SORBS2: variants seen among roughly 807,000 people sequenced by gnomAD.
The protein encoded by SORBS2 is sorbin and SH3 domain containing 2, also known as sorbin and SH3 domain-containing protein 2.
SORBS2 carries 46 observed loss-of-function variants against 97.7 expected under a neutral mutation model. The ratio of observed to expected loss-of-function variants is 0.47; its 90% CI spans 0.37 to 0.60. The LOEUF is 0.60. SORBS2 is among the 20% of genes least tolerant of loss of function. The pLI, the probability that SORBS2 is intolerant of heterozygous loss-of-function variation, is 0.00. For missense variants in SORBS2, 1,316 were observed against 1,282.3 expected (o/e 1.03, Z -0.40); for synonymous variants, 476 against 473.4 (o/e 1.01, Z -0.07).
At chr4:185,851,257 G>T (rs2099217740) in intron 1 of SORBS2, among the ~76,000 whole-genome samples, 1 of 152,100 alleles carries the variant, frequency 6.6e-6, no homozygotes, top group Non-Finnish European at 1.5e-5. Context: ...CGGAAAACCT[G>T]TATCTTCCCA....
At chr4:185,769,340 G>A (rs79778373) in intron 2 of SORBS2, among the ~76,000 whole-genome samples, 1,827 of 152,232 alleles carry the variant, frequency 0.012, 44 homozygotes, top group African/African-American at 0.042. Flanking sequence ...ACACTGAACC[G>A]TCAGAAAGCA....
chr4:185,788,158 A>G (rs1416293756), intron 1 of SORBS2, among the ~76,000 whole-genome samples: 3 of 152,214 alleles, frequency 2.0e-5, no homozygotes, highest in Admixed American at 1.3e-4. Context: ...GAGACTTGCT[A>G]CTCAAACCCC....
intron 2 of SORBS2, among the ~76,000 whole-genome samples, chr4:185,708,335 G>A (rs6552914): frequency 0.097 from 14,715 of 152,214 alleles, 1,443 homozygotes; most frequent in East Asian, 0.24. Flanking sequence ...ATTGTCACAG[G>A]TACATGTAAT....
intron 2 of SORBS2, among the ~76,000 whole-genome samples, chr4:185,721,609 A>C (rs1334794631): frequency 4.6e-5 from 7 of 152,192 alleles, no homozygotes; most frequent in Middle Eastern, 3.2e-3. Flanking sequence ...TGGAGAAATA[A>C]CTTTTTTGGT....
At chr4:185,857,394 G>A (rs575205893) in intron 1 of SORBS2, among the ~76,000 whole-genome samples, 2 of 152,136 alleles carry the variant, frequency 1.3e-5, no homozygotes, top group Non-Finnish European at 2.9e-5. Flanking sequence ...GAGGATGTAT[G>A]TCACCTCAGG....
rs564655857 is a variant in SORBS2, at chr4:185,741,206, G to A, written c.-198+34021C>T. Among the ~76,000 whole-genome samples the A allele has an allele frequency of 4.6e-5, 7 of 151,972 alleles. No homozygotes were observed. In the South Asian group the frequency reaches 1.2e-3, roughly 27 times the overall value. ...ATAATGTAACATAAGACAGTAAAGA[G>A]GGGCATCGTTAGAAACCTTTAGCAT... is the stretch of plus-strand genomic sequence containing the variant. On this transcript the variant is annotated intron_variant, in intron 2 of 20. Transcript: ENST00000284776.
intron 1 of SORBS2, among the ~76,000 whole-genome samples, chr4:185,783,409 G>T (rs1214639856): frequency 6.6e-6 from 1 of 152,178 alleles, no homozygotes; most frequent in East Asian, 1.9e-4. Context: ...GCCAAGTGAG[G>T]CCTTGGGAAG....
intron 12 of SORBS2, among the ~76,000 whole-genome samples, chr4:185,609,178 CA>C (rs2096490284): frequency 6.6e-6 from 1 of 152,030 alleles, no homozygotes; most frequent in Non-Finnish European, 1.5e-5. Flanking sequence ...GCTGAGTTTT[CA>C]ATGATATAAA....
intron 1 of SORBS2, among the ~76,000 whole-genome samples, chr4:185,784,134 C>CT (rs2099044557): frequency 6.6e-6 from 1 of 151,990 alleles, no homozygotes; most frequent in Non-Finnish European, 1.5e-5. Context: ...CTTCCTTGTC[C>CT]TTTTCTTTCT....
chr4:185,925,958 T>C (rs2099263421), intron 1 of SORBS2, among the ~76,000 whole-genome samples: 1 of 152,078 alleles, frequency 6.6e-6, no homozygotes, highest in Admixed American at 6.6e-5. Context: ...GGCAATTTCT[T>C]TGATGGAAGG....
chr4:185,614,864 G>A, exon 11 of SORBS2: 1 of 1,614,180 alleles, frequency 6.2e-7, no homozygotes, highest in Non-Finnish European at 8.5e-7. Context: ...TTGTGTCTGC[G>A]TTGAAGTTGT....
intron 2 of SORBS2, among the ~76,000 whole-genome samples, chr4:185,707,279 C>A (rs2098358492): frequency 6.6e-6 from 1 of 152,124 alleles, no homozygotes; most frequent in Non-Finnish European, 1.5e-5. Flanking sequence ...GTGAGTGAAG[C>A]TTGGGAATGC....
intron 2 of SORBS2, among the ~76,000 whole-genome samples, chr4:185,746,191 G>A (rs773164828): frequency 6.6e-6 from 1 of 152,190 alleles, no homozygotes; most frequent in African/African-American, 2.4e-5. Context: ...TCAAACACTC[G>A]TAGTTGTGTC....
intron 4 of SORBS2, chr4:185,677,261 A>G (rs2097801032): frequency 6.4e-7 from 1 of 1,551,840 alleles, no homozygotes; most frequent in Non-Finnish European, 8.7e-7. Context: ...TGGGGCTGCT[A>G]CTTCCTAGAT....
intron 1 of SORBS2, chr4:185,810,773 G>T (rs1017143716): frequency 6.6e-6 from 1 of 152,152 alleles, no homozygotes; most frequent in African/African-American, 2.4e-5. Context: ...CCTGCAATTC[G>T]GGGTCTGTGC....
chr4:185,593,613 C>A, intron 13 of SORBS2: 1 of 411,186 alleles, frequency 2.4e-6, no homozygotes, highest in Non-Finnish European at 4.3e-6. Flanking sequence ...GAGAGGGAGA[C>A]AGAGTTATCC....
chr4:185,759,143 T>C (rs1209879396), intron 2 of SORBS2, among the ~76,000 whole-genome samples: 1 of 152,236 alleles, frequency 6.6e-6, no homozygotes, highest in Non-Finnish European at 1.5e-5. Context: ...TCCAGAGTGA[T>C]GAGGATGTCA....
In SORBS2 at chr4:185,702,021, G is replaced by A. The variant is rs564432856; in HGVS notation, c.-197-23199C>T. Among the ~76,000 whole-genome samples the A allele has an allele frequency of 1.4e-4, 21 of 152,188 alleles. 1 individual carries two copies. Among genetic ancestry groups the A allele is most frequent in the African/African-American group, 4.8e-4 (20 of 41,534 alleles). On this transcript the variant is annotated intron_variant, in intron 2 of 20. Transcript: ENST00000284776. ...CCTGACCTCCTGATCCACCCACCTC[G>A]GCCTCCCAAAGTGCTAGGATTACAG...
In SORBS2 at chr4:185,955,554, T is replaced by C. The variant is rs993656142; in HGVS notation, c.-338+642A>G. ...CAATATGTTTCTCATGGGTCTTTTGTTACTCTAACATATTAAATTATCCTT... is the reference window on the plus strand; with the variant it reads ...CAATATGTTTCTCATGGGTCTTTTGCTACTCTAACATATTAAATTATCCTT... On this transcript the variant is annotated intron_variant, in intron 1 of 20. Coordinates refer to the SORBS2 transcript ENST00000284776. Among the ~76,000 whole-genome samples the C allele has an allele frequency of 5.3e-5, 8 of 152,328 alleles. No homozygotes were observed. In the East Asian group the frequency reaches 1.5e-3, roughly 29 times the overall value.
Sources: allele counts gnomAD v4.1 joint callset (sites outside exome capture counted in the v4.1 genomes callset), GRCh38; gene constraint gnomAD v4.1.1; transcripts MANE v1.5; gene names NCBI Gene and HGNC (gene_info 2026-07-23, HGNC 2026-07-21).